Variants in ABLIM1 observed in about 807,000 individuals in gnomAD.
ABLIM1 encodes the protein actin binding LIM protein 1.
ABLIM1 carries 40 observed loss-of-function variants against 107.0 expected under a neutral mutation model. The observed-to-expected ratio is 0.37, with a 90% CI of 0.29 to 0.49. ABLIM1 has a LOEUF of 0.49. Among genes scored for constraint, ABLIM1 ranks in the 20% least tolerant of loss-of-function variants. The probability of loss-of-function intolerance (pLI) is 0.97; values close to 1 mark genes in which losing one functional copy is unlikely to be tolerated. For synonymous variants in ABLIM1, 357 were observed against 357.3 expected, an observed-to-expected ratio of 1.00 and a Z score of 0.01; for missense variants, 857 against 1,008.5, an observed-to-expected ratio of 0.85 and a Z score of 2.04.
intron 1 of ABLIM1, among the ~76,000 whole-genome samples, chr10:114,694,237 A>C (rs2081149284): frequency 6.6e-6 from 1 of 152,182 alleles, no homozygotes; most frequent in African/African-American, 2.4e-5. Flanking sequence ...AAGGTAGCAA[A>C]CCACAGCTGA....
At chr10:114,760,625 A>C (rs745613880) in intron 1 of ABLIM1, among the ~76,000 whole-genome samples, 37 of 152,254 alleles carry the variant, frequency 2.4e-4, no homozygotes, top group Non-Finnish European at 4.0e-4. Flanking sequence ...TGATGGACTG[A>C]CAATGATAGT....
rs1034636755 is a variant in ABLIM1 at position 114,634,114 on chromosome 10, A to G, written c.244+23843T>C. Among the ~76,000 whole-genome samples the G allele has an allele frequency of 3.5e-4, 45 of 129,126 alleles. 1 individual carries two copies. Among genetic ancestry groups the G allele is most frequent in the African/African-American group, 1.3e-3 (45 of 33,470 alleles). The allele number at this position is 129,126 out of a possible 152,430, so 84.7% of individuals were successfully genotyped here. A position where few individuals can be genotyped will look rare whatever the true frequency, so the allele number is the denominator to read the frequency against. ...AAGTGTTCCAGATATCGTAAATGCC[A>G]TTAGCTCAATTTTTCTTTTTTTTTT... is the stretch of plus-strand genomic sequence containing the variant. On this transcript the variant is annotated intron_variant, in intron 1 of 22. Transcript: ENST00000533213.
chr10:114,632,265 T>C (rs1018640513), intron 1 of ABLIM1: 14 of 985,288 alleles, frequency 1.4e-5, no homozygotes, highest in Non-Finnish European at 1.7e-5. Context: ...GACACCACCT[T>C]GTATTCCTCG....
At chr10:114,716,336 G>A (rs1451887315) in intron 1 of ABLIM1, among the ~76,000 whole-genome samples, 1 of 151,698 alleles carries the variant, frequency 6.6e-6, no homozygotes, top group African/African-American at 2.4e-5. Context: ...TGCTATATTA[G>A]CTAAGTAAGG....
intron 1 of ABLIM1, among the ~76,000 whole-genome samples, chr10:114,608,970 G>A (rs7913537): frequency 0.011 from 1,689 of 151,840 alleles, 31 homozygotes; most frequent in African/African-American, 0.039. Flanking sequence ...AGCCGAGATC[G>A]TGCCACTGTA....
chr10:114,441,103 G>T, intron 18 of ABLIM1, 26 bp from the exon 19 acceptor site: 1 of 1,559,422 alleles, frequency 6.4e-7, no homozygotes. Context: ...ACAATTATTA[G>T]GAAATCTCCA....
In ABLIM1 at chr10:114,441,084, T is replaced by A; in HGVS notation, c.1999-7A>T. On this transcript the variant is annotated splice_polypyrimidine_tract_variant and splice_region_variant and intron_variant, in intron 18 of 22. Coordinates refer to ENST00000533213, the MANE Select transcript of ABLIM1 (RefSeq NM_002313.7). ...CGAAGTCGGTAGAAACAGGCTGAAA[T>A]GAGGAAAAACAATTATTAGGAAATC... 5 of 1,574,684 alleles carry A rather than the reference T, an allele frequency of 3.2e-6. No individual in the cohort carries two copies. The highest frequency in any genetic ancestry group is 3.5e-6 in the Non-Finnish European group (4 of 1,158,426).
At chr10:114,495,123 C>G (rs971231156) in intron 6 of ABLIM1, among the ~76,000 whole-genome samples, 1 of 152,138 alleles carries the variant, frequency 6.6e-6, no homozygotes, top group African/African-American at 2.4e-5. Flanking sequence ...ACCTTTGGAG[C>G]AAGAGGTGAG....
chr10:114,602,721 A>C (rs1382872434), intron 1 of ABLIM1, among the ~76,000 whole-genome samples: 1 of 152,244 alleles, frequency 6.6e-6, no homozygotes, highest in Non-Finnish European at 1.5e-5. Context: ...CAGGGAATTT[A>C]TAGGGTCTTT....
Position 114,613,079 on chromosome 10 carries a change from C to G in ABLIM1, c.245-11118G>C, listed in dbSNP as rs560784286. 2.6e-5 allele frequency among the ~76,000 whole-genome samples: 4 copies of G among 152,260 alleles called. No individual in the cohort carries two copies. In the South Asian group the frequency reaches 8.3e-4, roughly 32 times the overall value. ...CTTTTCTTTCTGGCTGCTTCTACTT[C>G]CAGGACATACTCAGAATCATTAAGT... On this transcript the variant is annotated intron_variant, in intron 1 of 22. Transcript: ENST00000533213.
At position 114,761,177 on chromosome 10, in the gene ABLIM1, GAAGA is replaced by G. The variant is rs139024248; in HGVS notation, c.-213+6880_-213+6883del. 5.9e-3 allele frequency among the ~76,000 whole-genome samples: 896 copies of G among 151,766 alleles called. 11 individuals carry two copies. Among genetic ancestry groups the G allele is most frequent in the African/African-American group, 0.015 (626 of 41,326 alleles). Reference sequence around the variant, plus strand: ...CAGAGTGGTGGGCAGAAGTAAGAGAGAAGAAAGATGAAATGAAGAAGTCTCCCAT... The same window carrying G: ...CAGAGTGGTGGGCAGAAGTAAGAGAGAAGATGAAATGAAGAAGTCTCCCAT... On this transcript the variant is annotated intron_variant, in intron 1 of 15. Transcript: ENST00000651092.
intron 1 of ABLIM1, among the ~76,000 whole-genome samples, chr10:114,692,815 G>A (rs1434044075): frequency 1.3e-5 from 2 of 152,126 alleles, no homozygotes; most frequent in African/African-American, 4.8e-5. Context: ...GCTTGAACCC[G>A]GGAGACAGAG....
rs150471922 is a variant in ABLIM1, at chr10:114,713,769, C to T, written c.-213+54292G>A. On this transcript the variant is annotated intron_variant, in intron 1 of 15. Transcript: ENST00000651092. ...CCTTTCGGTTACAGAATAATAAAAACAGTGAGGAATTCACATACATCTTTC... is the reference window on the plus strand; with the variant it reads ...CCTTTCGGTTACAGAATAATAAAAATAGTGAGGAATTCACATACATCTTTC... Among the ~76,000 whole-genome samples the T allele has an allele frequency of 7.7e-3, 1,179 of 152,328 alleles. 6 individuals carry two copies. Among genetic ancestry groups the T allele is most frequent in the Non-Finnish European group, 0.011 (754 of 68,020 alleles).
intron 2 of ABLIM1, among the ~76,000 whole-genome samples, chr10:114,585,010 T>A (rs948174999): frequency 6.6e-6 from 1 of 152,170 alleles, no homozygotes; most frequent in Non-Finnish European, 1.5e-5. Context: ...ACTCAGTTTT[T>A]TTTTTGCTTT....
At chr10:114,447,721 A>C (rs2061231590) in intron 15 of ABLIM1, among the ~76,000 whole-genome samples, 159 bp downstream of exon 15, 1 of 152,232 alleles carries the variant, frequency 6.6e-6, no homozygotes, top group Non-Finnish European at 1.5e-5. Context: ...TTGTACAACA[A>C]GTTAATACCA....
chr10:114,673,275 A>AC (rs2141424411), intron 1 of ABLIM1, among the ~76,000 whole-genome samples: 1 of 152,130 alleles, frequency 6.6e-6, no homozygotes, highest in African/African-American at 2.4e-5. Flanking sequence ...AAAAAACAAA[A>AC]AAAAAACAAA....
At chr10:114,497,000 G>A (rs968286465) in intron 6 of ABLIM1, among the ~76,000 whole-genome samples, 2 of 152,172 alleles carry the variant, frequency 1.3e-5, no homozygotes, top group African/African-American at 4.8e-5. Flanking sequence ...GAACACAGAC[G>A]GCAGTGCATA....
Position 114,575,455 on chromosome 10 carries a change from T to C in ABLIM1, c.524A>G (p.Lys175Arg). The C allele has an allele frequency of 3.1e-6, 5 of 1,614,192 alleles. No homozygotes were observed. The East Asian group carries it at 1.1e-4, about 36-fold the overall frequency. The change falls in exon 3 of 23, where the codon AAG becomes AGG. Residue 175 changes from lysine (K) to arginine (R), a missense_variant. By Grantham distance (26) the Lys-to-Arg change is conservative. This residue lies in a region of ABLIM1 where 381 missense variants were observed against 506.9 expected (regional missense o/e 0.75). Coordinates refer to ENST00000533213, the MANE Select transcript of ABLIM1 (RefSeq NM_002313.7). ...VEGEVVTALG[K>R]TYHPNCFACT... The stretch of plus-strand genomic sequence containing the variant: ...AGCAAAGCAATTGGGATGGTAGGTC[T>C]TGCCCAGAGCAGTCACCACTTCGCC...
chr10:114,550,597 C>T (rs2067947469), intron 4 of ABLIM1, among the ~76,000 whole-genome samples: 1 of 152,040 alleles, frequency 6.6e-6, no homozygotes, highest in Non-Finnish European at 1.5e-5. Context: ...AGGGTTCAGT[C>T]TTGATGTTGG....
Sources: gnomAD v4.1 joint callset for allele counts (sites outside exome capture counted in the v4.1 genomes callset) on GRCh38, gnomAD v4.1.1 for gene constraint, gnomAD v4.1.1 regional missense constraint, MANE v1.5 for transcripts, NCBI Gene and HGNC (gene_info 2026-07-23, HGNC 2026-07-21) for gene names.